Variants in GSTCD observed in about 807,000 individuals in gnomAD.
GSTCD encodes the protein glutathione S-transferase C-terminal domain-containing protein.
Under a neutral mutation model 68.3 loss-of-function variants are expected in GSTCD, and 44 were observed. The observed-to-expected ratio is 0.64, with a 90% CI of 0.51 to 0.83. The LOEUF is 0.83. Ranked by LOEUF, GSTCD falls within the 40% of genes least tolerant of loss-of-function variation. GSTCD has a pLI of 0.00. For missense variants in GSTCD, 739 were observed against 735.9 expected (o/e 1.00, Z -0.05); for synonymous variants, 273 against 255.2 (o/e 1.07, Z -0.67).
At chr4:105,823,099 GTCTT>G (rs763728160) in intron 6 of GSTCD, 30 bp downstream of exon 6, 33 of 1,583,412 alleles carry the variant, frequency 2.1e-5, no homozygotes, top group Non-Finnish European at 2.8e-5. Context: ...ATCCTTTTTA[GTCTT>G]TCTAAGATTA....
At chr4:105,800,750 T>C (rs1337572010) in intron 5 of GSTCD, among the ~76,000 whole-genome samples, 2 of 152,174 alleles carry the variant, frequency 1.3e-5, no homozygotes, top group Non-Finnish European at 2.9e-5. Context: ...TTTTATGAAG[T>C]CACTACAAAC....
chr4:105,809,747 A>G (rs1722679649), intron 5 of GSTCD, among the ~76,000 whole-genome samples: 2 of 151,544 alleles, frequency 1.3e-5, no homozygotes, highest in Admixed American at 1.3e-4. Context: ...ACAAGTAAAG[A>G]CAGGTTGGTT....
At chr4:105,841,335 A>AG (rs1433442384) in intron 10 of GSTCD, among the ~76,000 whole-genome samples, 1 of 151,748 alleles carries the variant, frequency 6.6e-6, no homozygotes, top group Non-Finnish European at 1.5e-5. Context: ...AAAAAAAAAA[A>AG]GAAAGAAAAG....
At chr4:105,746,724 A>G (rs914046462) in intron 5 of GSTCD, among the ~76,000 whole-genome samples, 1 of 152,200 alleles carries the variant, frequency 6.6e-6, no homozygotes, top group Admixed American at 6.5e-5. Context: ...TTTAAATGTA[A>G]AGGCTTATCC....
At chr4:105,771,173 T>C (rs1408409867) in intron 5 of GSTCD, among the ~76,000 whole-genome samples, 1 of 152,190 alleles carries the variant, frequency 6.6e-6, no homozygotes, top group Non-Finnish European at 1.5e-5. Context: ...AATGTCTTCT[T>C]TTGAGAACTG....
At chr4:105,840,452 C>A in intron 10 of GSTCD, 1 of 221,264 alleles carries the variant, frequency 4.5e-6, no homozygotes, top group South Asian at 6.3e-5. Context: ...CAAAGATATC[C>A]CTTTTAAAAA....
intron 3 of GSTCD, among the ~76,000 whole-genome samples, chr4:105,725,491 A>G (rs1182463626): frequency 6.6e-6 from 1 of 152,126 alleles, no homozygotes; most frequent in Non-Finnish European, 1.5e-5. Context: ...CATGCGCACC[A>G]TCATTTGGAG....
chr4:105,726,502 G>A (rs1228070072), intron 3 of GSTCD, 77 bp from the exon 4 acceptor site: 1 of 861,954 alleles, frequency 1.2e-6, no homozygotes, highest in Non-Finnish European at 1.8e-6. Flanking sequence ...TGAATGTTGT[G>A]GTTTGTAAAG....
chr4:105,827,249 T>C (rs937839037), intron 8 of GSTCD: 2 of 152,198 alleles, frequency 1.3e-5, no homozygotes, highest in Non-Finnish European at 2.9e-5. Context: ...GCTACCCATT[T>C]ATTTACCTCA....
intron 5 of GSTCD, among the ~76,000 whole-genome samples, chr4:105,749,882 A>G (rs1427379893): frequency 1.3e-5 from 2 of 152,202 alleles, no homozygotes; most frequent in African/African-American, 4.8e-5. Context: ...CAAACAAGCT[A>G]TAGACTGAAA....
At chr4:105,732,503 TG>T (rs1733285389) in intron 5 of GSTCD, among the ~76,000 whole-genome samples, 1 of 152,216 alleles carries the variant, frequency 6.6e-6, no homozygotes, top group South Asian at 2.1e-4. Flanking sequence ...TATTCTCTGA[TG>T]GTAATTTGTA....
chr4:105,819,565 G>A (rs899044166), intron 5 of GSTCD, among the ~76,000 whole-genome samples: 6 of 151,650 alleles, frequency 4.0e-5, no homozygotes, highest in African/African-American at 1.4e-4. Context: ...AGCAACTGTG[G>A]GGATAGAACC....
At chr4:105,738,645 C>G (rs1197368446) in intron 5 of GSTCD, among the ~76,000 whole-genome samples, 1 of 151,014 alleles carries the variant, frequency 6.6e-6, no homozygotes, top group Admixed American at 6.6e-5. Flanking sequence ...GTTTGTTGTT[C>G]CTGTATATTG....
At chr4:105,776,270 G>T (rs1401634526) in intron 5 of GSTCD, among the ~76,000 whole-genome samples, 1 of 152,174 alleles carries the variant, frequency 6.6e-6, no homozygotes, top group East Asian at 1.9e-4. Flanking sequence ...TTAGCTTGCT[G>T]GGCTCTGTGG....
intron 7 of GSTCD, among the ~76,000 whole-genome samples, chr4:105,825,132 G>T (rs1578512881): frequency 6.7e-6 from 1 of 149,022 alleles, no homozygotes. Context: ...TGGTTGGTTG[G>T]TTTGTTTGTT....
chr4:105,797,850 C>G (rs1045625490), intron 5 of GSTCD, among the ~76,000 whole-genome samples: 2 of 149,216 alleles, frequency 1.3e-5, no homozygotes, highest in African/African-American at 5.0e-5. Flanking sequence ...TCTTGGCTCA[C>G]TGCAACCTCC....
intron 4 of GSTCD, among the ~76,000 whole-genome samples, chr4:105,727,248 G>A (rs968173454): frequency 6.6e-6 from 1 of 151,996 alleles, no homozygotes; most frequent in Admixed American, 6.6e-5. Flanking sequence ...ATAAGGCTGG[G>A]TGTAGTAGCT....
intron 5 of GSTCD, chr4:105,820,926 A>AT (rs1250604363): frequency 6.6e-6 from 1 of 151,754 alleles, no homozygotes; most frequent in Non-Finnish European, 1.5e-5. Context: ...CCATTTAATA[A>AT]TTTTTTTCCT....
intron 5 of GSTCD, among the ~76,000 whole-genome samples, chr4:105,813,054 A>G (rs1406249184): frequency 6.6e-6 from 1 of 152,162 alleles, no homozygotes. Flanking sequence ...CACACCTTGA[A>G]CTGAGACCAG....
Sources: allele counts gnomAD v4.1 joint callset (sites outside exome capture counted in the v4.1 genomes callset), GRCh38; gene constraint gnomAD v4.1.1; transcripts MANE v1.5; gene names NCBI Gene and HGNC (gene_info 2026-07-23, HGNC 2026-07-21).